The following NPHP1 variants were observed in gnomAD, a reference collection of about 807,000 sequenced individuals.
NPHP1 encodes the protein nephrocystin-1.
In NPHP1, 70 loss-of-function variants were observed where a neutral mutation model predicts 90.4. The observed-to-expected ratio is 0.77, with a 90% CI of 0.64 to 0.95. NPHP1 has a LOEUF of 0.95. Among genes scored for constraint, NPHP1 ranks in the 40% least tolerant of loss-of-function variants. The probability of loss-of-function intolerance (pLI) is 0.00; values close to 1 mark genes in which losing one functional copy is unlikely to be tolerated. For synonymous variants in NPHP1, 256 were observed against 271.7 expected, an observed-to-expected ratio of 0.94 and a Z score of 0.57; for missense variants, 764 against 795.9, an observed-to-expected ratio of 0.96 and a Z score of 0.48.
chr2:110,161,465 T>C (rs1294491013), intron 10 of NPHP1, 138 bp downstream of exon 10: 5 of 621,262 alleles, frequency 8.0e-6, no homozygotes, highest in Non-Finnish European at 1.4e-5. Flanking sequence ...GTTATAAAAA[T>C]ATCGCTATTT....
intron 2 of NPHP1, among the ~76,000 whole-genome samples, chr2:110,189,773 C>T (rs1399028734): frequency 6.6e-6 from 1 of 152,124 alleles, no homozygotes; most frequent in East Asian, 1.9e-4. Flanking sequence ...CAGGTCCCCA[C>T]TAGATTAGCT....
intron 8 of NPHP1, 109 bp downstream of exon 8, chr2:110,164,579 T>A: frequency 6.2e-7 from 1 of 1,606,690 alleles, no homozygotes; most frequent in Non-Finnish European, 8.5e-7. Context: ...TTCCATGCCC[T>A]GAACCCTGTT....
intron 19 of NPHP1, chr2:110,125,379 C>T: frequency 6.8e-7 from 1 of 1,460,940 alleles, no homozygotes; most frequent in Non-Finnish European, 9.1e-7. Flanking sequence ...GAGACTTTGG[C>T]TTAGAAACTT....
chr2:110,157,851 A>T (rs1302664371), intron 11 of NPHP1, among the ~76,000 whole-genome samples: 1 of 152,096 alleles, frequency 6.6e-6, no homozygotes, highest in Non-Finnish European at 1.5e-5. Flanking sequence ...TTTCACATTG[A>T]CCGTTATCAG....
At chr2:110,196,428 G>A (rs370757936) in intron 2 of NPHP1, among the ~76,000 whole-genome samples, 11 of 152,000 alleles carry the variant, frequency 7.2e-5, no homozygotes, top group Admixed American at 5.9e-4. Context: ...TGGCCATCAG[G>A]GAAATGCAAA....
chr2:110,183,759 T>G (rs1006472171), intron 2 of NPHP1, among the ~76,000 whole-genome samples: 1 of 152,060 alleles, frequency 6.6e-6, no homozygotes, highest in Non-Finnish European at 1.5e-5. Context: ...CACAGAAAAT[T>G]GATAAAGATA....
chr2:110,142,223 T>C (rs1382197267), intron 16 of NPHP1, among the ~76,000 whole-genome samples: 1 of 152,016 alleles, frequency 6.6e-6, no homozygotes, highest in Non-Finnish European at 1.5e-5. Context: ...AGTATATCTA[T>C]CAAAGGGAAT....
chr2:110,164,509 A>G, intron 8 of NPHP1, 179 bp downstream of exon 8: 1 of 1,266,536 alleles, frequency 7.9e-7, no homozygotes, highest in Non-Finnish European at 1.1e-6. Flanking sequence ...AAAACTAATG[A>G]GAAATGTTAC....
At chr2:110,198,476 C>G (rs897630657) in intron 2 of NPHP1, among the ~76,000 whole-genome samples, 1 of 152,134 alleles carries the variant, frequency 6.6e-6, no homozygotes, top group East Asian at 1.9e-4. Flanking sequence ...ATACTGATTA[C>G]GTTTAGATTT....
Position 110,201,431 on chromosome 2 carries a change from T to C in NPHP1, c.133A>G (p.Ile45Val), listed in dbSNP as rs145479679. 2 of 1,605,012 alleles carry C rather than the reference T, an allele frequency of 1.2e-6. No homozygotes were observed. The highest frequency in any genetic ancestry group is 3.3e-5 in the Admixed American group (2 of 59,864). The stretch of plus-strand genomic sequence containing the variant: ...TTTAGCATACTTTACCTTTGATAAA[T>C]ATGTTGTCTTTTATTGGGTTCTAGA... ...EALEPNKRQH[I>V]YQRCIQLKQA... is the part of the protein sequence containing the mutation. The change falls in exon 2 of 20, where the codon ATT becomes GTT. Residue 45 changes from isoleucine (I) to valine (V), a missense_variant. Coordinates refer to ENST00000445609, the MANE Select transcript of NPHP1 (RefSeq NM_001128178.3).
chr2:110,125,676 C>T lies in NPHP1; in HGVS notation c.1722G>A (p.Ser574=), dbSNP rs778531895. Residue 574 remains serine, a synonymous_variant, in exon 19 of 20, where the codon TCG becomes TCA. Coordinates refer to ENST00000445609, the MANE Select transcript of NPHP1 (RefSeq NM_001128178.3). Reference sequence around the variant, plus strand: ...TTAATGTGCTTTCTTTTCCAGCCCACGAACTCTAAAGAGCAAACAGAAATA... The same window carrying T: ...TTAATGTGCTTTCTTTTCCAGCCCATGAACTCTAAAGAGCAAACAGAAATA... ...QPDVMDALRS[S]WAGKESTLKR... 29 of 1,612,988 alleles carry T rather than the reference C, an allele frequency of 1.8e-5. No individual in the cohort carries two copies. Among genetic ancestry groups the T allele is most frequent in the African/African-American group, 2.7e-5 (2 of 74,998 alleles).
chr2:110,125,682 C>G lies in NPHP1; in HGVS notation c.1717-1G>C, dbSNP rs370205671. The G allele has an allele frequency of 6.2e-7, 1 of 1,612,900 alleles. No individual in the cohort carries two copies. On this transcript the variant is annotated splice_acceptor_variant, in intron 18 of 19. Transcript: ENST00000445609. LOFTEE classifies it high-confidence loss of function. Reference sequence around the variant, plus strand: ...TGCTTTCTTTTCCAGCCCACGAACTCTAAAGAGCAAACAGAAATATTATGT... The same window carrying G: ...TGCTTTCTTTTCCAGCCCACGAACTGTAAAGAGCAAACAGAAATATTATGT...
At chr2:110,168,337 A>G in intron 6 of NPHP1, 115 bp downstream of exon 6, 1 of 736,984 alleles carries the variant, frequency 1.4e-6, no homozygotes, top group South Asian at 1.6e-5. Flanking sequence ...AATTAAAGCA[A>G]ATTCTATATC....
At chr2:110,173,702 C>T (rs1278966782) in intron 4 of NPHP1, among the ~76,000 whole-genome samples, 1 of 152,104 alleles carries the variant, frequency 6.6e-6, no homozygotes, top group African/African-American at 2.4e-5. Flanking sequence ...TAACCTACAC[C>T]TTCTAGGTTT....
At chr2:110,150,592 C>A (rs1681391978) in intron 11 of NPHP1, among the ~76,000 whole-genome samples, 2 of 151,936 alleles carry the variant, frequency 1.3e-5, no homozygotes, top group Admixed American at 1.3e-4. Context: ...CTCTGTCGCC[C>A]AGGCTGGAAT....
At chr2:110,129,130 A>G (rs1161418270) in intron 18 of NPHP1, 56 bp downstream of exon 18, 1 of 1,294,976 alleles carries the variant, frequency 7.7e-7, no homozygotes, top group African/African-American at 1.5e-5. Flanking sequence ...ATTAACACAG[A>G]GTGTATAACT....
At position 110,147,918 on chromosome 2, in the gene NPHP1, TG is replaced by T; in HGVS notation, c.1266del (p.Asn423IlefsTer9). The T allele has an allele frequency of 2.0e-6, 3 of 1,533,532 alleles. No individual in the cohort carries two copies. Among genetic ancestry groups the T allele is most frequent in the Non-Finnish European group, 2.7e-6 (3 of 1,106,340 alleles). The allele number at this position is 1,533,532 out of a possible 1,614,324, so 95.0% of individuals were successfully genotyped here. ...ILFELGISYIRNSTGERGELS... is the reference protein window; with the variant it reads ...ILFELGISYIXNSTGERGELS... The stretch of plus-strand genomic sequence containing the variant: ...GCCTTATCTTTCAACGGACATACAT[TG>T]CGAATATAAGAAATTCCAAGTTCAA... On this transcript the variant is annotated frameshift_variant, in exon 13 of 20. Transcript: ENST00000445609. LOFTEE classifies it high-confidence loss of function.
At chr2:110,153,939 C>A (rs138853565) in intron 11 of NPHP1, among the ~76,000 whole-genome samples, 1 of 151,276 alleles carries the variant, frequency 6.6e-6, no homozygotes, top group Non-Finnish European at 1.5e-5. Context: ...ACTGAGATTG[C>A]GCCATTGCAC....
In NPHP1 at chr2:110,196,639, C is replaced by T. The variant is rs566724315; in HGVS notation, c.143+4782G>A. On this transcript the variant is annotated intron_variant, in intron 2 of 19. Transcript: ENST00000445609. ...GAACTAGAAATACCATTTGACCCAA[C>T]TGTCCCATTACTGGGTATATACCCA... Among the ~76,000 whole-genome samples the T allele has an allele frequency of 2.6e-5, 4 of 152,304 alleles. No homozygotes were observed. The South Asian group carries it at 8.3e-4, about 32-fold the overall frequency.
Sources: allele counts gnomAD v4.1 joint callset (sites outside exome capture counted in the v4.1 genomes callset), GRCh38; gene constraint gnomAD v4.1.1; transcripts MANE v1.5; gene names NCBI Gene and HGNC (gene_info 2026-07-23, HGNC 2026-07-21).